SULT2B1: variants seen among roughly 807,000 people sequenced by gnomAD.
The protein encoded by SULT2B1 is sulfotransferase family 2B member 1.
Under a neutral mutation model 33.2 loss-of-function variants are expected in SULT2B1, and 16 were observed. That is an observed-to-expected ratio of 0.48 (90% CI 0.33 to 0.73). SULT2B1 has a LOEUF of 0.73. SULT2B1 is among the 30% of genes least tolerant of loss of function. The pLI, the probability that SULT2B1 is intolerant of heterozygous loss-of-function variation, is 0.02. For synonymous variants in SULT2B1, 186 were observed against 200.5 expected, an observed-to-expected ratio of 0.93 and a Z score of 0.61; for missense variants, 500 against 506.0, an observed-to-expected ratio of 0.99 and a Z score of 0.11.
chr19:48,562,735 A>G (rs1319980834), intron 1 of SULT2B1, among the ~76,000 whole-genome samples: 5 of 152,076 alleles, frequency 3.3e-5, no homozygotes, highest in Non-Finnish European at 4.4e-5. Flanking sequence ...TCCAGAGTGC[A>G]GTGGCGCGAT....
intron 1 of SULT2B1, among the ~76,000 whole-genome samples, chr19:48,553,990 C>G (rs539258984): frequency 6.6e-6 from 1 of 152,024 alleles, no homozygotes; most frequent in Non-Finnish European, 1.5e-5. Flanking sequence ...ATCTCCGCGA[C>G]GGCTCTGCCA....
Position 48,552,982 on chromosome 19 carries a change from G to A in SULT2B1, c.71+659G>A, listed in dbSNP as rs139433439. 3.3e-5 allele frequency among the ~76,000 whole-genome samples: 5 copies of A among 152,222 alleles called. No homozygotes were observed. Among genetic ancestry groups the A allele is most frequent in the East Asian group, 1.9e-4 (1 of 5,166 alleles). Reference sequence around the variant, plus strand: ...GGCTGGGAGGGAACGCGACATGACCGCAATTACGCAGCTAGAAGCAAATCT... The same window carrying A: ...GGCTGGGAGGGAACGCGACATGACCACAATTACGCAGCTAGAAGCAAATCT... On this transcript the variant is annotated intron_variant, in intron 1 of 6. Coordinates refer to ENST00000201586, the MANE Select transcript of SULT2B1 (RefSeq NM_177973.2). This position sits in a 1 kb window ranked among gnomAD's most constrained non-coding sequence, Gnocchi z 4.8.
chr19:48,569,362 ACATATATAT>A (rs1198824365), intron 1 of SULT2B1, among the ~76,000 whole-genome samples: 6 of 130,176 alleles, frequency 4.6e-5, no homozygotes, highest in African/African-American at 1.3e-4. Context: ...AAAAAAAAAA[ACATATATAT>A]ATATATATAT....
At chr19:48,596,696 G>A (rs1431216789) in intron 5 of SULT2B1, 43 bp from the exon 6 acceptor site, 6 of 1,531,370 alleles carry the variant, frequency 3.9e-6, no homozygotes, top group Non-Finnish European at 5.2e-6. Flanking sequence ...TCCTTCCTTG[G>A]CCGAGTGCCC....
intron 1 of SULT2B1, among the ~76,000 whole-genome samples, chr19:48,569,523 CT>C (rs922014474): frequency 1.3e-5 from 2 of 151,034 alleles, no homozygotes; most frequent in African/African-American, 4.8e-5. Context: ...AGTTTTCTTT[CT>C]TTTTTTTCTT....
At chr19:48,592,635 G>A (rs1006690221) in intron 4 of SULT2B1, 87 bp from the exon 5 acceptor site, 2 of 1,170,616 alleles carry the variant, frequency 1.7e-6, no homozygotes, top group Non-Finnish European at 2.5e-6. Flanking sequence ...GGGTTTGTGG[G>A]GCACAGCTAG....
chr19:48,570,572 T>G (rs1973308591), intron 1 of SULT2B1, among the ~76,000 whole-genome samples: 1 of 152,116 alleles, frequency 6.6e-6, no homozygotes, highest in African/African-American at 2.4e-5. Flanking sequence ...TTCCCAGGGT[T>G]TGGCAATTAT....
intron 1 of SULT2B1, among the ~76,000 whole-genome samples, chr19:48,560,656 T>C (rs1973163693): frequency 6.6e-6 from 1 of 152,154 alleles, no homozygotes; most frequent in African/African-American, 2.4e-5. Flanking sequence ...CCACATATAG[T>C]CAATTTCAAA....
At chr19:48,598,237 G>A (rs1401154784) in intron 6 of SULT2B1, among the ~76,000 whole-genome samples, 1 of 152,152 alleles carries the variant, frequency 6.6e-6, no homozygotes, top group Non-Finnish European at 1.5e-5. Flanking sequence ...TCCTCTGAAT[G>A]CCATGAGCCC....
chr19:48,554,619 C>A (rs1216158437), intron 1 of SULT2B1, among the ~76,000 whole-genome samples: 1 of 143,780 alleles, frequency 7.0e-6, no homozygotes, highest in South Asian at 2.3e-4. Context: ...CCCCGCCCCC[C>A]CAGCCTCCTC....
rs776274742 is a variant in SULT2B1 at position 48,591,655 on chromosome 19, A to T, written c.470A>T (p.Tyr157Phe). 7.7e-5 allele frequency: 124 copies of T among 1,613,234 alleles called. No individual in the cohort carries two copies. The highest frequency in any genetic ancestry group is 1.0e-4 in the Non-Finnish European group (122 of 1,179,664). The stretch of plus-strand genomic sequence containing the variant: ...CCCCGGGACGTTGTGGTCTCCCTCT[A>T]TCATTACTCCAAGATCGCCGGGCAG... ...RNPRDVVVSLYHYSKIAGQLK... is the reference protein window; with the variant it reads ...RNPRDVVVSLFHYSKIAGQLK... The change falls in exon 4 of 7, where the codon TAT becomes TTT. Residue 157 changes from tyrosine (Y) to phenylalanine (F), a missense_variant. Physicochemically the swap from Tyr to Phe is conservative, Grantham distance 22 (BLOSUM62 3). Transcript: ENST00000201586.
intron 1 of SULT2B1, among the ~76,000 whole-genome samples, chr19:48,565,621 C>G (rs1209316350): frequency 1.3e-5 from 2 of 152,048 alleles, no homozygotes; most frequent in Non-Finnish European, 2.9e-5. Flanking sequence ...CTCTGGTGAT[C>G]TGCCTGCCTC....
At chr19:48,560,775 A>G (rs1000210246) in intron 1 of SULT2B1, among the ~76,000 whole-genome samples, 1 of 151,844 alleles carries the variant, frequency 6.6e-6, no homozygotes, top group Non-Finnish European at 1.5e-5. Context: ...AGCCTGGCCA[A>G]CATGGTGAAA....
intron 1 of SULT2B1, among the ~76,000 whole-genome samples, chr19:48,556,209 G>A (rs912564927): frequency 5.3e-5 from 8 of 152,314 alleles, no homozygotes; most frequent in Admixed American, 5.2e-4. Flanking sequence ...CCAGGGGAAT[G>A]AGAGAATGCA....
intron 1 of SULT2B1, among the ~76,000 whole-genome samples, chr19:48,559,059 C>T (rs887939471): frequency 6.6e-6 from 1 of 152,026 alleles, no homozygotes; most frequent in Non-Finnish European, 1.5e-5. Context: ...ATTGCCTCCC[C>T]GCTGGGTGAG....
chr19:48,574,117 C>T (rs1222200958), intron 1 of SULT2B1, among the ~76,000 whole-genome samples: 1 of 152,208 alleles, frequency 6.6e-6, no homozygotes, highest in Non-Finnish European at 1.5e-5. Flanking sequence ...CTGTCTTGGC[C>T]TCCCAAAGTG....
rs761911725 is a variant in SULT2B1, at chr19:48,599,143, G to A, written c.835G>A (p.Gly279Ser). 16 of 1,581,992 alleles carry A rather than the reference G, an allele frequency of 1.0e-5. No homozygotes were observed. In the East Asian group the frequency reaches 2.8e-4, roughly 27 times the overall value. The change falls in exon 7 of 7, where the codon GGC (glycine) becomes AGC (serine). Residue 279 changes from glycine to serine, a missense_variant. Coordinates refer to ENST00000201586, the MANE Select transcript of SULT2B1 (RefSeq NM_177973.2). This position sits in a 1 kb window ranked among gnomAD's most constrained non-coding sequence, Gnocchi z 4.1. Reference protein sequence around the residue: ...RGAFLRKGVCGDWKNHFTVAQ... With the variant: ...RGAFLRKGVCSDWKNHFTVAQ... ...TGCCCCCTCTTCTCCAGGGGTCTGCGGCGACTGGAAGAACCACTTCACGGT... is the reference window on the plus strand; with the variant it reads ...TGCCCCCTCTTCTCCAGGGGTCTGCAGCGACTGGAAGAACCACTTCACGGT...
chr19:48,553,014 G>A (rs141650645), intron 1 of SULT2B1, among the ~76,000 whole-genome samples: 3 of 152,108 alleles, frequency 2.0e-5, no homozygotes, highest in African/African-American at 4.8e-5. Flanking sequence ...ATCTGAACCC[G>A]GTCTGTCTCA....
chr19:48,595,222 C>A (rs566038276), intron 5 of SULT2B1, among the ~76,000 whole-genome samples: 1 of 151,844 alleles, frequency 6.6e-6, no homozygotes, highest in Non-Finnish European at 1.5e-5. Flanking sequence ...GCAGAGGTTG[C>A]GGTGAGACGA....
Sources: allele counts gnomAD v4.1 joint callset (sites outside exome capture counted in the v4.1 genomes callset), GRCh38; gene constraint gnomAD v4.1.1; non-coding constraint Gnocchi (gnomAD v3.1); transcripts MANE v1.5; gene names NCBI Gene and HGNC (gene_info 2026-07-23, HGNC 2026-07-21).